The following KLHL6 variants were observed in gnomAD, a reference collection of about 807,000 sequenced individuals.
KLHL6 encodes kelch-like protein 6.
A neutral mutation model predicts 58.6 loss-of-function variants in KLHL6; 41 were observed. The observed-to-expected ratio is 0.70, with a 90% confidence interval of 0.55 to 0.91. The LOEUF (loss-of-function observed/expected upper bound fraction) is 0.91. Among genes scored for constraint, KLHL6 ranks in the 40% least tolerant of loss-of-function variants. KLHL6 has a pLI of 0.00. For synonymous variants in KLHL6, 338 were observed against 322.7 expected, an observed-to-expected ratio of 1.05 and a Z score of -0.51; for missense variants, 714 against 805.6, an observed-to-expected ratio of 0.89 and a Z score of 1.38.
At chr3:183,503,788 A>G (rs1050426976) in intron 3 of KLHL6, among the ~76,000 whole-genome samples, 6 of 152,184 alleles carry the variant, frequency 3.9e-5, no homozygotes, top group African/African-American at 1.4e-4. Flanking sequence ...TGAAGAAAAA[A>G]CAAAACAAAA....
intron 1 of KLHL6, among the ~76,000 whole-genome samples, chr3:183,554,629 A>G (rs1327208605): frequency 6.6e-6 from 1 of 152,226 alleles, no homozygotes; most frequent in African/African-American, 2.4e-5. Flanking sequence ...CCTAATTTGT[A>G]ACAAGTCATT....
rs541329574 is a variant in KLHL6, at chr3:183,488,801, T to C, written c.*3126A>G. ...ATTCTTAAGTTTCCCCCAAATGACTTGAACTTTCTTTCTCGAAGAGCTACA... is the reference window on the plus strand; with the variant it reads ...ATTCTTAAGTTTCCCCCAAATGACTCGAACTTTCTTTCTCGAAGAGCTACA... On this transcript the variant is annotated 3_prime_UTR_variant, in exon 7 of 7. Transcript: ENST00000341319. 10 of 152,324 alleles carry C rather than the reference T, an allele frequency of 6.6e-5. No individual in the cohort carries two copies. In the Middle Eastern group the frequency reaches 0.01, roughly 155 times the overall value. 9.4% of individuals were successfully genotyped at this position (152,324 alleles called of 1,614,324 possible).
At position 183,528,022 on chromosome 3, in the gene KLHL6, A is replaced by G; in HGVS notation, c.294-12T>C. Reference sequence around the variant, plus strand: ...TGCAGAACATGGCCCTGGAAGAGAAATGTGTGAATGTGAATCGTGCCGAGA... The same window carrying G: ...TGCAGAACATGGCCCTGGAAGAGAAGTGTGTGAATGTGAATCGTGCCGAGA... On this transcript the variant is annotated splice_polypyrimidine_tract_variant and intron_variant, in intron 1 of 6. Coordinates refer to ENST00000341319, the MANE Select transcript of KLHL6 (RefSeq NM_130446.4). 6.2e-7 allele frequency: 1 copy of G among 1,613,910 alleles called. No individual in the cohort carries two copies. Among genetic ancestry groups the G allele is most frequent in the Non-Finnish European group, 8.5e-7 (1 of 1,179,928 alleles).
At position 183,494,160 on chromosome 3, in the gene KLHL6, G is replaced by A; in HGVS notation, c.1269C>T (p.Val423=). The A allele has an allele frequency of 6.2e-7, 1 of 1,614,168 alleles. No individual in the cohort carries two copies. The highest frequency in any genetic ancestry group is 1.1e-5 in the South Asian group (1 of 91,078). ...AGCCGTCAAAGCCTCCGATCACATA[G>A]ACCTTGCCACCCAACACCACCATCT... The part of the protein sequence containing the change: ...RHKMVVLGGK[V]YVIGGFDGLQ... Residue 423 remains valine (V), a synonymous_variant, in exon 5 of 7, where the codon GTC becomes GTT. Coordinates refer to ENST00000341319, the MANE Select transcript of KLHL6 (RefSeq NM_130446.4).
chr3:183,535,549 T>C (rs1011404420), intron 1 of KLHL6, among the ~76,000 whole-genome samples: 4 of 152,200 alleles, frequency 2.6e-5, no homozygotes, highest in African/African-American at 7.2e-5. Context: ...CCCACCAACA[T>C]GACATTTAGA....
intron 4 of KLHL6, among the ~76,000 whole-genome samples, chr3:183,498,746 G>C (rs1040471150): frequency 2.0e-5 from 3 of 152,206 alleles, no homozygotes; most frequent in African/African-American, 7.2e-5. Context: ...AGGTACAGGG[G>C]CTATAGTGTT....
At chr3:183,528,087 A>G in intron 1 of KLHL6, 77 bp from the exon 2 acceptor site, 1 of 1,524,030 alleles carries the variant, frequency 6.6e-7, no homozygotes. Flanking sequence ...TTTCAGACTC[A>G]TCAGGCCCTC....
At chr3:183,538,449 G>A (rs1712436596) in intron 1 of KLHL6, among the ~76,000 whole-genome samples, 1 of 152,100 alleles carries the variant, frequency 6.6e-6, no homozygotes, top group Admixed American at 6.5e-5. Flanking sequence ...TTTATACCAG[G>A]AACGAACTCC....
chr3:183,507,436 T>G (rs1259727232), intron 3 of KLHL6, among the ~76,000 whole-genome samples: 1 of 152,114 alleles, frequency 6.6e-6, no homozygotes, highest in Non-Finnish European at 1.5e-5. Flanking sequence ...TTGTTTTGTT[T>G]TGCTTTGCTT....
chr3:183,552,108 A>G (rs1712939583), intron 1 of KLHL6: 1 of 152,228 alleles, frequency 6.6e-6, no homozygotes, highest in African/African-American at 2.4e-5. Context: ...CCGTGGGGGA[A>G]CGCAACATGA....
At chr3:183,515,029 T>C (rs573963803) in intron 2 of KLHL6, among the ~76,000 whole-genome samples, 18 of 152,318 alleles carry the variant, frequency 1.2e-4, no homozygotes, top group Admixed American at 2.0e-4. Context: ...ATCCAGAAAG[T>C]CTGTGAACCC....
At chr3:183,500,257 T>A (rs1003248748) in intron 3 of KLHL6, among the ~76,000 whole-genome samples, 5 of 152,210 alleles carry the variant, frequency 3.3e-5, no homozygotes, top group African/African-American at 1.2e-4. Context: ...CCTCAGACTT[T>A]GCTCACCATC....
At chr3:183,522,699 C>A (rs1711808785) in intron 2 of KLHL6, 1 of 152,238 alleles carries the variant, frequency 6.6e-6, no homozygotes. Flanking sequence ...TGAAATATTT[C>A]CTCCTTTCTT....
rs201767129 is a variant in KLHL6, at chr3:183,491,993, G to A, written c.1800C>T (p.Gly600=). Residue 600 remains glycine (G), a synonymous_variant, in exon 7 of 7, where the codon GGC becomes GGT. Coordinates refer to ENST00000341319, the MANE Select transcript of KLHL6 (RefSeq NM_130446.4). ...CVLPRGVSHH[G]SVTIRKSYTH... ...TGTACGACTTCCTGATGGTGACGCT[G>A]CCGTGGTGCGACACGCCCCGGGGCA... 165 of 1,594,400 alleles carry A rather than the reference G, an allele frequency of 1.0e-4. No individual in the cohort carries two copies. In the East Asian group the frequency reaches 3.4e-3, roughly 33 times the overall value.
chr3:183,520,828 T>G (rs994201174), intron 2 of KLHL6: 4 of 152,164 alleles, frequency 2.6e-5, no homozygotes, highest in Non-Finnish European at 5.9e-5. Flanking sequence ...GACATTCCAT[T>G]TCCAGGGACG....
At chr3:183,547,074 G>T (rs1474205541) in intron 1 of KLHL6, among the ~76,000 whole-genome samples, 3 of 152,114 alleles carry the variant, frequency 2.0e-5, no homozygotes, top group Non-Finnish European at 4.4e-5. Context: ...ACCGTGCCTG[G>T]CTAATTTTTA....
chr3:183,532,524 G>T (rs1181835185), intron 1 of KLHL6, among the ~76,000 whole-genome samples: 1 of 152,130 alleles, frequency 6.6e-6, no homozygotes, highest in Non-Finnish European at 1.5e-5. Context: ...GTCTACGAGG[G>T]GCCATAAGAG....
At chr3:183,524,970 TA>T (rs1008641486) in intron 2 of KLHL6, among the ~76,000 whole-genome samples, 6 of 152,082 alleles carry the variant, frequency 3.9e-5, no homozygotes, top group Non-Finnish European at 5.9e-5. Context: ...ATGAACATGA[TA>T]AAAAAAACTT....
At chr3:183,549,044 A>G (rs1433623079) in intron 1 of KLHL6, 1 of 151,760 alleles carries the variant, frequency 6.6e-6, no homozygotes, top group East Asian at 1.9e-4. Context: ...TACTTAATGC[A>G]TTCAGGGCCT....
Sources: gnomAD v4.1 joint callset for allele counts (sites outside exome capture counted in the v4.1 genomes callset) on GRCh38, gnomAD v4.1.1 for gene constraint, MANE v1.5 for transcripts, NCBI Gene and HGNC (gene_info 2026-07-23, HGNC 2026-07-21) for gene names.